The following NLGN1 variants were observed in gnomAD, a reference collection of about 807,000 sequenced individuals.
NLGN1 encodes neuroligin 1.
In NLGN1, 12 loss-of-function variants were observed where a neutral mutation model predicts 65.5. The observed-to-expected ratio is 0.18, with a 90% CI of 0.12 to 0.30. The LOEUF is 0.30. Ranked by LOEUF, NLGN1 falls within the 10% of genes least tolerant of loss-of-function variation. The pLI is 1.00. For synonymous variants in NLGN1, 350 were observed against 359.5 expected (o/e 0.97, Z 0.30); for missense variants, 750 against 1,007.1 (o/e 0.74, Z 3.46).
intron 4 of NLGN1, among the ~76,000 whole-genome samples, chr3:173,818,273 T>C (rs182837217): frequency 1.8e-4 from 28 of 152,126 alleles, no homozygotes; most frequent in African/African-American, 6.7e-4. Context: ...ATTAAACAAA[T>C]AAACAAAACA....
intron 3 of NLGN1, among the ~76,000 whole-genome samples, chr3:173,710,952 A>G (rs1042331043): frequency 1.3e-5 from 2 of 152,174 alleles, no homozygotes; most frequent in African/African-American, 4.8e-5. Context: ...TTCCAGTGAA[A>G]CTAAATACTC....
chr3:173,538,653 G>A (rs1398108142), intron 2 of NLGN1, among the ~76,000 whole-genome samples: 2 of 152,120 alleles, frequency 1.3e-5, no homozygotes, highest in Non-Finnish European at 2.9e-5. Context: ...GCTGGTCTCC[G>A]CTGCTGGGAG....
chr3:174,094,746 T>TAAAAAAAAAA (rs5854552), intron 4 of NLGN1, among the ~76,000 whole-genome samples: 1 of 88,908 alleles, frequency 1.1e-5, no homozygotes, highest in African/African-American at 4.4e-5. Flanking sequence ...TTGGCTCCGC[T>TAAAAAAAAAA]AAAAAAAAAA....
intron 2 of NLGN1, among the ~76,000 whole-genome samples, chr3:173,546,272 A>T (rs1739816208): frequency 1.3e-5 from 2 of 152,170 alleles, no homozygotes; most frequent in South Asian, 4.1e-4. Flanking sequence ...AAATAGTGAA[A>T]CCCCTGGCAC....
At chr3:174,062,848 T>G (rs1359977957) in intron 4 of NLGN1, among the ~76,000 whole-genome samples, 1 of 152,110 alleles carries the variant, frequency 6.6e-6, no homozygotes. Flanking sequence ...TAACAGTGAT[T>G]TAAATATAAT....
intron 4 of NLGN1, among the ~76,000 whole-genome samples, chr3:173,857,193 G>A (rs142490749): frequency 6.6e-6 from 1 of 152,116 alleles, no homozygotes; most frequent in African/African-American, 2.4e-5. Flanking sequence ...CTTAAGTCAA[G>A]CAGATAGAAG....
intron 4 of NLGN1, among the ~76,000 whole-genome samples, chr3:174,022,862 G>A (rs1394463011): frequency 2.0e-5 from 3 of 152,072 alleles, no homozygotes; most frequent in Non-Finnish European, 4.4e-5. Flanking sequence ...GTTTCTGGAG[G>A]TGCTAGTAAT....
intron 3 of NLGN1, among the ~76,000 whole-genome samples, chr3:173,761,883 G>T (rs1778017646): frequency 6.6e-6 from 1 of 152,020 alleles, no homozygotes; most frequent in South Asian, 2.1e-4. Context: ...TGGAGCTAAG[G>T]ATCGTCAGTC....
chr3:174,056,526 TCTCTC>T (rs1736118071), intron 4 of NLGN1, among the ~76,000 whole-genome samples: 4 of 152,014 alleles, frequency 2.6e-5, no homozygotes, highest in African/African-American at 9.7e-5. Context: ...AAGCTTTGAA[TCTCTC>T]ACTGGAGCAG....
intron 3 of NLGN1, among the ~76,000 whole-genome samples, chr3:173,768,962 G>C (rs113898683): frequency 1.3e-3 from 204 of 152,098 alleles, no homozygotes; most frequent in African/African-American, 4.6e-3. Flanking sequence ...TAGAGGCAGG[G>C]TTTCGCCATG....
intron 4 of NLGN1, among the ~76,000 whole-genome samples, chr3:174,054,547 G>A (rs767053398): frequency 1.3e-5 from 2 of 151,802 alleles, no homozygotes; most frequent in Admixed American, 1.3e-4. Context: ...AAGCTTTAGG[G>A]GTTCTGAACT....
intron 4 of NLGN1, among the ~76,000 whole-genome samples, chr3:174,051,061 G>A (rs894005851): frequency 1.3e-5 from 2 of 152,026 alleles, no homozygotes; most frequent in Non-Finnish European, 2.9e-5. Context: ...CTAAATTCTG[G>A]TTCTACTGTA....
At chr3:173,466,189 T>C (rs1046190234) in intron 2 of NLGN1, among the ~76,000 whole-genome samples, 6 of 152,106 alleles carry the variant, frequency 3.9e-5, no homozygotes, top group Admixed American at 2.0e-4. Context: ...TCTTAGGTGC[T>C]TGAATATAGC....
chr3:173,628,641 A>C lies in NLGN1; in HGVS notation c.493+23550A>C, dbSNP rs200704908. Among the ~76,000 whole-genome samples the C allele has an allele frequency of 1.3e-4, 20 of 151,928 alleles. No individual in the cohort carries two copies. The East Asian group carries it at 3.3e-3, about 25-fold the overall frequency. ...GAATAACTTACTTGGGGTCTGATGTAGCTTTAAAATTTTGCCCTAGGAAGC... is the reference window on the plus strand; with the variant it reads ...GAATAACTTACTTGGGGTCTGATGTCGCTTTAAAATTTTGCCCTAGGAAGC... On this transcript the variant is annotated intron_variant, in intron 3 of 6. Transcript: ENST00000457714.
At chr3:174,101,777 A>G (rs1375313684) in intron 4 of NLGN1, among the ~76,000 whole-genome samples, 2 of 152,196 alleles carry the variant, frequency 1.3e-5, no homozygotes, top group Admixed American at 6.5e-5. Flanking sequence ...TGACTGACTG[A>G]CTAAAAAATG....
At chr3:174,141,217 C>G (rs1245989163) in intron 4 of NLGN1, among the ~76,000 whole-genome samples, 1 of 151,828 alleles carries the variant, frequency 6.6e-6, no homozygotes, top group African/African-American at 2.4e-5. Flanking sequence ...TTTTAAAATG[C>G]AAGCAAATCA....
intron 2 of NLGN1, among the ~76,000 whole-genome samples, chr3:173,472,374 A>G (rs61531132): frequency 6.6e-6 from 1 of 152,002 alleles, no homozygotes; most frequent in African/African-American, 2.4e-5. Context: ...TCATTGTTTT[A>G]CCTTCCAAAA....
At chr3:173,642,013 GCTCTCTCTCTCT>G (rs138192749) in intron 3 of NLGN1, among the ~76,000 whole-genome samples, 4 of 146,240 alleles carry the variant, frequency 2.7e-5, no homozygotes, top group Non-Finnish European at 6.1e-5. Context: ...TCAGTGGACT[GCTCTCTCTCTCT>G]CTCTCTCTCT....
chr3:173,965,352 C>T (rs1714595332), intron 4 of NLGN1, among the ~76,000 whole-genome samples: 1 of 151,968 alleles, frequency 6.6e-6, no homozygotes, highest in Non-Finnish European at 1.5e-5. Flanking sequence ...GAGTCTCACC[C>T]CATCACCCAG....
Sources: allele counts gnomAD v4.1 joint callset (sites outside exome capture counted in the v4.1 genomes callset), GRCh38; gene constraint gnomAD v4.1.1; transcripts MANE v1.5; gene names NCBI Gene and HGNC (gene_info 2026-07-23, HGNC 2026-07-21).